Variants in ROCK2 observed in about 807,000 individuals in gnomAD.
The protein encoded by ROCK2 is rho-associated protein kinase 2.
Under a neutral mutation model 195.1 loss-of-function variants are expected in ROCK2, and 61 were observed. The observed-to-expected ratio is 0.31, with a 90% CI of 0.25 to 0.39. The LOEUF (loss-of-function observed/expected upper bound fraction) is 0.39. Among genes scored for constraint, ROCK2 ranks in the 10% least tolerant of loss-of-function variants. The probability of loss-of-function intolerance (pLI) is 1.00; values close to 1 mark genes in which losing one functional copy is unlikely to be tolerated. For missense variants in ROCK2, 1,109 were observed against 1,637.4 expected (o/e 0.68, Z 5.57); for synonymous variants, 504 against 545.5 (o/e 0.92, Z 1.06).
intron 1 of ROCK2, among the ~76,000 whole-genome samples, chr2:11,313,106 T>C (rs1668086501): frequency 6.6e-6 from 1 of 152,062 alleles, no homozygotes; most frequent in South Asian, 2.1e-4. Context: ...GAATGAACCC[T>C]AAAGAAAACT....
rs1189394965 is a variant in ROCK2, at chr2:11,214,914, A to G, written c.1862T>C (p.Ile621Thr). The change falls in exon 16 of 33, where the codon ATC becomes ACC. Residue 621 changes from isoleucine (I) to threonine (T), a missense_variant. Ile to Thr is a moderately conservative substitution (Grantham distance 89). This residue lies in a region of ROCK2 where 542 missense variants were observed against 672.0 expected (regional missense o/e 0.81). Coordinates refer to ENST00000315872, the MANE Select transcript of ROCK2 (RefSeq NM_004850.5). Reference protein sequence around the residue: ...TAKLKLEKEFINLQSALESER... With the variant: ...TAKLKLEKEFTNLQSALESER... ...AGATTCTAGAGCTGACTGAAGATTG[A>G]TAAATTCCTTTTCAAGTTTTAACTT... 1.2e-6 allele frequency: 2 copies of G among 1,613,970 alleles called. No homozygotes were observed. Among genetic ancestry groups the G allele is most frequent in the East Asian group, 4.5e-5 (2 of 44,876 alleles).
chr2:11,331,181 A>G (rs1477364193), intron 1 of ROCK2, among the ~76,000 whole-genome samples: 1 of 152,262 alleles, frequency 6.6e-6, no homozygotes, highest in African/African-American at 2.4e-5. Context: ...TTAAAAAGAA[A>G]ACTTCAATTT....
chr2:11,295,516 A>G (rs1667484729), intron 1 of ROCK2, among the ~76,000 whole-genome samples: 1 of 152,106 alleles, frequency 6.6e-6, no homozygotes, highest in Non-Finnish European at 1.5e-5. Context: ...TAATTTTCCT[A>G]TTTGGTGCTC....
chr2:11,265,123 T>C (rs1401350344), intron 3 of ROCK2, among the ~76,000 whole-genome samples: 1 of 152,160 alleles, frequency 6.6e-6, no homozygotes, highest in Non-Finnish European at 1.5e-5. Context: ...AGACCTAGGT[T>C]ACTAAATACA....
In ROCK2 at chr2:11,181,902, G is replaced by C. The variant is rs2148013877; in HGVS notation, c.*1535C>G. 1.3e-5 allele frequency: 2 copies of C among 151,960 alleles called. 1 individual carries two copies. The highest frequency in any genetic ancestry group is 1.3e-4 in the Admixed American group (2 of 15,260). The allele number at this position is 151,960 out of a possible 1,614,324, so 9.4% of individuals were successfully genotyped here. A position where few individuals can be genotyped will look rare whatever the true frequency, so the allele number is the denominator to read the frequency against. On this transcript the variant is annotated 3_prime_UTR_variant, in exon 33 of 33. Coordinates refer to ENST00000315872, the MANE Select transcript of ROCK2 (RefSeq NM_004850.5). ...CCCGTCTTGGCCTCCCAAAGTGCTA[G>C]GATTACAGGCGTAAGCCACCATGCC... is the stretch of plus-strand genomic sequence containing the variant.
chr2:11,265,985 C>T (rs1666400575), intron 3 of ROCK2, among the ~76,000 whole-genome samples: 1 of 152,122 alleles, frequency 6.6e-6, no homozygotes, highest in South Asian at 2.1e-4. Context: ...CACCTGTGGT[C>T]CTTTTTCTAT....
intron 7 of ROCK2, 135 bp downstream of exon 7, chr2:11,224,187 A>T: frequency 1.2e-6 from 1 of 805,564 alleles, no homozygotes; most frequent in South Asian, 1.9e-5. Flanking sequence ...CAGAAGGAAA[A>T]GGCTAACCCA....
chr2:11,330,750 AG>A (rs1284607894), intron 1 of ROCK2, among the ~76,000 whole-genome samples: 1 of 37,252 alleles, frequency 2.7e-5, no homozygotes, highest in Non-Finnish European at 6.3e-5. Context: ...GGGAGGAGGG[AG>A]GAGGAGGAGG....
chr2:11,299,238 C>T (rs1381778706), intron 1 of ROCK2, among the ~76,000 whole-genome samples: 2 of 150,662 alleles, frequency 1.3e-5, no homozygotes, highest in East Asian at 3.9e-4. Flanking sequence ...TGCACCACTG[C>T]ACTCCAGCCT....
At chr2:11,188,643 T>C (rs1663296361) in intron 32 of ROCK2, among the ~76,000 whole-genome samples, 1 of 151,324 alleles carries the variant, frequency 6.6e-6, no homozygotes, top group South Asian at 2.1e-4. Context: ...TTTTATTTTT[T>C]GAGACGGAGT....
At chr2:11,276,514 G>A (rs1666831982) in intron 3 of ROCK2, among the ~76,000 whole-genome samples, 1 of 152,090 alleles carries the variant, frequency 6.6e-6, no homozygotes, top group Non-Finnish European at 1.5e-5. Flanking sequence ...AGGAATTAAA[G>A]AAGACATAAG....
At chr2:11,295,939 A>G (rs1667498412) in intron 1 of ROCK2, among the ~76,000 whole-genome samples, 1 of 147,712 alleles carries the variant, frequency 6.8e-6, no homozygotes, top group Non-Finnish European at 1.5e-5. Context: ...CCTGGGTGAC[A>G]GAGCGAGATT....
intron 32 of ROCK2, among the ~76,000 whole-genome samples, chr2:11,188,962 G>A (rs549203353): frequency 1.3e-5 from 2 of 151,188 alleles, no homozygotes; most frequent in African/African-American, 2.4e-5. Flanking sequence ...CTTGAACCTG[G>A]AAGGTGGAGG....
intron 3 of ROCK2, among the ~76,000 whole-genome samples, chr2:11,255,111 G>A (rs1665978670): frequency 6.7e-6 from 1 of 150,146 alleles, no homozygotes; most frequent in Non-Finnish European, 1.5e-5. Context: ...CAGCTACTTG[G>A]GAGGCTGAGG....
intron 4 of ROCK2, among the ~76,000 whole-genome samples, chr2:11,245,291 C>A (rs1160599493): frequency 6.7e-6 from 1 of 149,626 alleles, no homozygotes; most frequent in Non-Finnish European, 1.5e-5. Flanking sequence ...ATATTTTAGG[C>A]TTAATGTATA....
chr2:11,227,454 T>C lies in ROCK2; in HGVS notation c.724-56A>G, dbSNP rs188477761. On this transcript the variant is annotated intron_variant, in intron 5 of 32. Coordinates refer to ENST00000315872, the MANE Select transcript of ROCK2 (RefSeq NM_004850.5). ...AGTTCAGTGTAAAAACACACACTTATAAATGCAATGAATCCATTTATTACT... is the reference window on the plus strand; with the variant it reads ...AGTTCAGTGTAAAAACACACACTTACAAATGCAATGAATCCATTTATTACT... The C allele has an allele frequency of 1.3e-5, 19 of 1,497,194 alleles. No individual in the cohort carries two copies. The East Asian group carries it at 3.2e-4, about 25-fold the overall frequency. 92.7% of individuals were successfully genotyped at this position (1,497,194 alleles called of 1,614,324 possible).
At chr2:11,307,901 G>C in intron 1 of ROCK2, 1 of 1,218,602 alleles carries the variant, frequency 8.2e-7, no homozygotes, top group Non-Finnish European at 1.1e-6. Flanking sequence ...CTCGGTGGGT[G>C]GCGGTGGTGG....
At chr2:11,215,140 G>A (rs964372507) in intron 15 of ROCK2, 54 bp from the exon 16 acceptor site, 1 of 1,591,068 alleles carries the variant, frequency 6.3e-7, no homozygotes. Flanking sequence ...TGTATGTAAT[G>A]AAAATAAGTC....
chr2:11,246,150 T>C (rs1665606205), intron 4 of ROCK2, among the ~76,000 whole-genome samples: 1 of 152,172 alleles, frequency 6.6e-6, no homozygotes, highest in Non-Finnish European at 1.5e-5. Flanking sequence ...AGGTGGCCTA[T>C]GAACCTGGCC....
Sources: gnomAD v4.1 joint callset for allele counts (sites outside exome capture counted in the v4.1 genomes callset) on GRCh38, gnomAD v4.1.1 for gene constraint, gnomAD v4.1.1 regional missense constraint, MANE v1.5 for transcripts, NCBI Gene and HGNC (gene_info 2026-07-23, HGNC 2026-07-21) for gene names.